FAN1: variants seen among roughly 807,000 people sequenced by gnomAD.
FAN1 encodes the protein FANCD2 and FANCI associated nuclease 1, also known as fanconi-associated nuclease 1.
FAN1 carries 91 observed loss-of-function variants against 104.9 expected under a neutral mutation model. That is an observed-to-expected ratio of 0.87 (90% CI 0.73 to 1.03). The LOEUF (loss-of-function observed/expected upper bound fraction) is 1.03. Ranked by LOEUF, FAN1 falls within the 50% of genes least tolerant of loss-of-function variation. The pLI, the probability that FAN1 is intolerant of heterozygous loss-of-function variation, is 0.00. For synonymous variants in FAN1, 478 were observed against 457.6 expected, an observed-to-expected ratio of 1.04 and a Z score of -0.57; for missense variants, 1,263 against 1,239.9, an observed-to-expected ratio of 1.02 and a Z score of -0.28.
Position 30,910,120 on chromosome 15 carries a change from C to T in FAN1, c.1376-494C>T, listed in dbSNP as rs570813842. On this transcript the variant is annotated intron_variant, in intron 3 of 14. Coordinates refer to ENST00000362065, the MANE Select transcript of FAN1 (RefSeq NM_014967.5). ...CTTGTGAAGCCTTGAAGGCAAAGAC[C>T]AGCGAGGTCTGACTGAGCCGAATTC... Among the ~76,000 whole-genome samples, 3 of 152,312 alleles carry T rather than the reference C, an allele frequency of 2.0e-5. No homozygotes were observed. In the South Asian group the frequency reaches 6.2e-4, roughly 32 times the overall value.
intron 3 of FAN1, among the ~76,000 whole-genome samples, chr15:30,909,499 T>G (rs1008561561): frequency 2.0e-5 from 3 of 152,138 alleles, no homozygotes; most frequent in Non-Finnish European, 2.9e-5. Flanking sequence ...TGGTGCAGCT[T>G]CCGTAAATTC....
intron 10 of FAN1, chr15:30,928,298 G>T: frequency 7.8e-7 from 1 of 1,274,652 alleles, no homozygotes; most frequent in Non-Finnish European, 9.9e-7. Flanking sequence ...CTGCTTTGTG[G>T]CTTTGAAATG....
At chr15:30,919,387 A>C (rs868033732) in intron 6 of FAN1, among the ~76,000 whole-genome samples, 18 of 149,202 alleles carry the variant, frequency 1.2e-4, no homozygotes, top group Non-Finnish European at 2.4e-4. Flanking sequence ...TCAAAAAAAA[A>C]AAAAAAAAAA....
At chr15:30,918,398 T>A in intron 6 of FAN1, 103 bp downstream of exon 6, 1 of 1,182,558 alleles carries the variant, frequency 8.5e-7, no homozygotes, top group Non-Finnish European at 1.2e-6. Context: ...TTTTTCTCTG[T>A]GGTTAAACCA....
chr15:30,925,748 C>T (rs1372413173), intron 9 of FAN1, 41 bp from the exon 10 acceptor site: 2 of 1,608,546 alleles, frequency 1.2e-6, no homozygotes, highest in Admixed American at 3.3e-5. Flanking sequence ...GGGACTTTTG[C>T]TGACCTGAGG....
At chr15:30,929,418 C>T in intron 12 of FAN1, 21 bp downstream of exon 12, 1 of 1,574,144 alleles carries the variant, frequency 6.4e-7, no homozygotes, top group Non-Finnish European at 8.6e-7. Context: ...ACCTGCATGG[C>T]AGGATTTGCT....
chr15:30,925,192 G>C lies in FAN1; in HGVS notation c.2238G>C (p.Leu746=), dbSNP rs367676939. 1.2e-5 allele frequency: 19 copies of C among 1,613,910 alleles called. No individual in the cohort carries two copies. The highest frequency in any genetic ancestry group is 1.6e-4 in the Middle Eastern group (1 of 6,084). ...TCAGAACGGGACACCGCCTTTCACTGTATCAGCGAGCCGTGCGCCTGCGAG... is the reference window on the plus strand; with the variant it reads ...TCAGAACGGGACACCGCCTTTCACTCTATCAGCGAGCCGTGCGCCTGCGAG... The part of the protein sequence containing the change: ...PEVRTGHRLS[L]YQRAVRLRES... Residue 746 remains leucine, a synonymous_variant, in exon 9 of 15, where the codon CTG becomes CTC. Coordinates refer to ENST00000362065, the MANE Select transcript of FAN1 (RefSeq NM_014967.5).
intron 5 of FAN1, among the ~76,000 whole-genome samples, chr15:30,917,596 T>C (rs866590684): frequency 5.3e-5 from 8 of 152,366 alleles, no homozygotes; most frequent in South Asian, 4.1e-4. Flanking sequence ...AATTTGTTGG[T>C]CAAATGTCTT....
At chr15:30,906,389 T>G in intron 2 of FAN1, 1 of 456,998 alleles carries the variant, frequency 2.2e-6, no homozygotes, top group Non-Finnish European at 4.4e-6. Flanking sequence ...ACTGTGCCTT[T>G]TAAAGACAGG....
Position 30,942,911 on chromosome 15 carries a change from C to A in FAN1, c.*1349C>A. Reference sequence around the variant, plus strand: ...TTACCTTTGTCCGTTTAAAAGACTTCACGGAGCCATTCTGTATACAAGGTG... The same window carrying A: ...TTACCTTTGTCCGTTTAAAAGACTTAACGGAGCCATTCTGTATACAAGGTG... On this transcript the variant is annotated 3_prime_UTR_variant, in exon 15 of 15. Transcript: ENST00000362065. 6.4e-7 allele frequency: 1 copy of A among 1,567,264 alleles called. No individual in the cohort carries two copies. The highest frequency in any genetic ancestry group is 8.7e-7 in the Non-Finnish European group (1 of 1,154,192).
chr15:30,922,288 C>A lies in FAN1; in HGVS notation c.2106C>A (p.Asp702Glu), dbSNP rs2062352633. Residue 702 changes from aspartate (D) to glutamate (E), a missense_variant, in exon 8 of 15, where the codon GAC (aspartate) becomes GAA (glutamate). Asp to Glu is a conservative substitution (Grantham distance 45, BLOSUM62 2). Around this residue, in one of 2 missense-constraint regions of FAN1, gnomAD observed 581 missense variants for 668.8 expected, o/e 0.87. Coordinates refer to ENST00000362065, the MANE Select transcript of FAN1 (RefSeq NM_014967.5). Reference protein sequence around the residue: ...SLLSQRIYCPDSRGRWWDRLA... With the variant: ...SLLSQRIYCPESRGRWWDRLA... ...TGTCTCAGAGAATTTATTGTCCTGA[C>A]AGCAGAGGCCGATGGTGGGATCGAC... 2.5e-5 allele frequency: 40 copies of A among 1,614,044 alleles called. No homozygotes were observed. The highest frequency in any genetic ancestry group is 3.4e-5 in the Non-Finnish European group (40 of 1,179,984).
intron 6 of FAN1, among the ~76,000 whole-genome samples, chr15:30,918,711 C>T (rs1173700119): frequency 1.3e-5 from 2 of 152,252 alleles, no homozygotes; most frequent in Admixed American, 1.3e-4. Flanking sequence ...ACAGCTCAAG[C>T]GAACTTTCCA....
chr15:30,927,600 T>C, intron 10 of FAN1: 1 of 985,504 alleles, frequency 1.0e-6, no homozygotes, highest in Non-Finnish European at 1.2e-6. Flanking sequence ...GCAGATGGGT[T>C]GGGGCCTGTA....
intron 3 of FAN1, 99 bp downstream of exon 3, chr15:30,908,357 G>T: frequency 1.0e-6 from 1 of 1,002,622 alleles, no homozygotes; most frequent in South Asian, 2.4e-5. Flanking sequence ...TCCCCGGGGT[G>T]GTGCCTGGTA....
chr15:30,909,843 T>C (rs917009920), intron 3 of FAN1, among the ~76,000 whole-genome samples: 2 of 152,252 alleles, frequency 1.3e-5, no homozygotes, highest in Non-Finnish European at 2.9e-5. Context: ...GTCAAAGGTT[T>C]GCCTGACTAC....
rs568209594 is a variant in FAN1, at chr15:30,942,928, T to C, written c.*1366T>C. 1.9e-6 allele frequency: 3 copies of C among 1,568,598 alleles called. No individual in the cohort carries two copies. Among genetic ancestry groups the C allele is most frequent in the African/African-American group, 1.3e-5 (1 of 74,348 alleles). On this transcript the variant is annotated 3_prime_UTR_variant, in exon 15 of 15. Transcript: ENST00000362065. ...AAAGACTTCACGGAGCCATTCTGTATACAAGGTGTGCTCTTTCCAATGTAG... is the reference window on the plus strand; with the variant it reads ...AAAGACTTCACGGAGCCATTCTGTACACAAGGTGTGCTCTTTCCAATGTAG...
intron 13 of FAN1, among the ~76,000 whole-genome samples, chr15:30,932,512 A>G (rs1428189215): frequency 6.6e-6 from 1 of 152,158 alleles, no homozygotes; most frequent in African/African-American, 2.4e-5. Flanking sequence ...AACATTTGAT[A>G]GAATTCCCCA....
rs1260247413 is a variant in FAN1, at chr15:30,904,021, C to G, written c.-153+10C>G. ...AGTCGCGTGGCCCCAGGTGCGCGTC[C>G]CAGGTGCGCGGCCTTGACCCAGCAG... is the stretch of plus-strand genomic sequence containing the variant. On this transcript the variant is annotated intron_variant, in intron 1 of 14. Transcript: ENST00000362065. The G allele has an allele frequency of 6.6e-6, 1 of 152,292 alleles. No individual in the cohort carries two copies. The highest frequency in any genetic ancestry group is 2.4e-5 in the African/African-American group (1 of 41,428). 9.4% of individuals were successfully genotyped at this position (152,292 alleles called of 1,614,324 possible).
At position 30,910,739 on chromosome 15, in the gene FAN1, C is replaced by G; in HGVS notation, c.1501C>G (p.Leu501Val). Residue 501 changes from leucine to valine, a missense_variant, in exon 4 of 15, where the codon CTC becomes GTC. By Grantham distance (32) the Leu-to-Val change is conservative. Coordinates refer to ENST00000362065, the MANE Select transcript of FAN1 (RefSeq NM_014967.5). Reference protein sequence around the residue: ...GQKQQLVDAFLKLAKQRSVCT... With the variant: ...GQKQQLVDAFVKLAKQRSVCT... ...GAAACAGCAGCTGGTGGACGCCTTTCTCAAATTGGCCAAACAGCGTTCAGT... is the reference window on the plus strand; with the variant it reads ...GAAACAGCAGCTGGTGGACGCCTTTGTCAAATTGGCCAAACAGCGTTCAGT... 3 of 1,614,112 alleles carry G rather than the reference C, an allele frequency of 1.9e-6. No individual in the cohort carries two copies. Among genetic ancestry groups the G allele is most frequent in the Non-Finnish European group, 2.5e-6 (3 of 1,180,026 alleles).
Sources: gnomAD v4.1 joint callset for allele counts (sites outside exome capture counted in the v4.1 genomes callset) on GRCh38, gnomAD v4.1.1 for gene constraint, gnomAD v4.1.1 regional missense constraint, MANE v1.5 for transcripts, NCBI Gene and HGNC (gene_info 2026-07-23, HGNC 2026-07-21) for gene names.